TP53INP1: variants seen among roughly 807,000 people sequenced by gnomAD.
The protein encoded by TP53INP1 is tumor protein p53-inducible nuclear protein 1.
TP53INP1 carries 12 observed loss-of-function variants against 21.0 expected under a neutral mutation model. The ratio of observed to expected loss-of-function variants is 0.57; its 90% CI spans 0.37 to 0.93. The LOEUF (loss-of-function observed/expected upper bound fraction) is 0.93. Ranked by LOEUF, TP53INP1 falls within the 40% of genes least tolerant of loss-of-function variation. The pLI, the probability that TP53INP1 is intolerant of heterozygous loss-of-function variation, is 0.01. For synonymous variants in TP53INP1, 91 were observed against 94.8 expected, an observed-to-expected ratio of 0.96 and a Z score of 0.23; for missense variants, 274 against 294.7, an observed-to-expected ratio of 0.93 and a Z score of 0.51.
intron 3 of TP53INP1, among the ~76,000 whole-genome samples, chr8:94,933,193 G>C (rs1820598904): frequency 6.6e-6 from 1 of 152,168 alleles, no homozygotes; most frequent in Non-Finnish European, 1.5e-5. Context: ...TCCAGCCTGG[G>C]CAACAGTGAG....
Position 94,929,873 on chromosome 8 carries a change from A to T in TP53INP1, c.*606T>A, listed in dbSNP as rs1820223160. On this transcript the variant is annotated 3_prime_UTR_variant, in exon 4 of 4. Transcript: ENST00000342697. ...TGCACTCTTCACTAAAGCTTAATGT[A>T]CCTGAATTCCAAATGAACTGTATGA... 1 of 152,708 alleles carries T rather than the reference A, an allele frequency of 6.5e-6. No individual in the cohort carries two copies. Among genetic ancestry groups the T allele is most frequent in the Non-Finnish European group, 1.5e-5 (1 of 68,438 alleles). 9.5% of individuals were successfully genotyped at this position (152,708 alleles called of 1,614,324 possible).
chr8:94,934,092 A>T (rs1300018183), intron 3 of TP53INP1, among the ~76,000 whole-genome samples: 33 of 151,804 alleles, frequency 2.2e-4, no homozygotes, highest in East Asian at 5.8e-4. Flanking sequence ...AAAAAAAAAG[A>T]AGTATATATG....
chr8:94,934,196 G>A (rs1820743598), intron 3 of TP53INP1, among the ~76,000 whole-genome samples: 1 of 150,870 alleles, frequency 6.6e-6, no homozygotes, highest in Non-Finnish European at 1.5e-5. Flanking sequence ...GATGTTAAAA[G>A]TATTCATCTC....
Position 94,939,972 on chromosome 8 carries a change from T to C in TP53INP1, c.361A>G (p.Asn121Asp), listed in dbSNP as rs1435078433. The C allele has an allele frequency of 1.2e-6, 2 of 1,614,118 alleles. No homozygotes were observed. Among genetic ancestry groups the C allele is most frequent in the Non-Finnish European group, 1.7e-6 (2 of 1,180,020 alleles). The change falls in exon 3 of 4, where the codon AAC becomes GAC. Residue 121 changes from asparagine to aspartate, a missense_variant. Coordinates refer to ENST00000342697, the MANE Select transcript of TP53INP1 (RefSeq NM_033285.4). The stretch of plus-strand genomic sequence containing the variant: ...ATGCTGGGATGTTCAATGAGAAGGT[T>C]TTCCATAGGACTTGTTTCCACCTTG... ...TIKVETSPME[N>D]LLIEHPSMSV...
chr8:94,947,024 T>C (rs1413671754), intron 1 of TP53INP1, among the ~76,000 whole-genome samples: 1 of 152,190 alleles, frequency 6.6e-6, no homozygotes, highest in African/African-American at 2.4e-5. Context: ...GCTTATTGTA[T>C]GTAACGGGGC....
intron 3 of TP53INP1, among the ~76,000 whole-genome samples, chr8:94,934,403 TG>T (rs1443227837): frequency 6.6e-6 from 1 of 151,328 alleles, no homozygotes; most frequent in Non-Finnish European, 1.5e-5. Flanking sequence ...TTTTTTTTTT[TG>T]AGACAGAGCC....
chr8:94,940,371 CTTCT>C, intron 2 of TP53INP1, 151 bp from the exon 3 acceptor site: 1 of 895,646 alleles, frequency 1.1e-6, no homozygotes, highest in South Asian at 1.8e-5. Flanking sequence ...GCTCACGTAT[CTTCT>C]TTTATTTAGT....
chr8:94,948,329 T>C (rs1470597835), intron 1 of TP53INP1, among the ~76,000 whole-genome samples: 1 of 152,208 alleles, frequency 6.6e-6, no homozygotes, highest in East Asian at 1.9e-4. Flanking sequence ...GCCTATTTCA[T>C]ATAAGGTTAT....
At chr8:94,938,087 C>T (rs755596805) in intron 3 of TP53INP1, among the ~76,000 whole-genome samples, 35 of 152,166 alleles carry the variant, frequency 2.3e-4, no homozygotes, top group Non-Finnish European at 4.3e-4. Context: ...TTGAAACAGG[C>T]TCAGAGAAAA....
At position 94,930,583 on chromosome 8, in the gene TP53INP1, T is replaced by G; in HGVS notation, c.619A>C (p.Asn207His). 6.2e-7 allele frequency: 1 copy of G among 1,614,254 alleles called. No homozygotes were observed. The highest frequency in any genetic ancestry group is 8.5e-7 in the Non-Finnish European group (1 of 1,180,038). ...GTAAGATTTTGGCGACGAAGGCTAT[T>G]TCTGTTAAGAGGCTGTCTTTCACTG... ...EHSERQPLNR[N>H]SLRRQNLTRD... is the part of the protein sequence containing the mutation. Residue 207 changes from asparagine to histidine, a missense_variant, in exon 4 of 4, where the codon AAT becomes CAT. Transcript: ENST00000342697.
intron 3 of TP53INP1, among the ~76,000 whole-genome samples, chr8:94,933,842 G>GC (rs963875109): frequency 2.0e-5 from 3 of 148,090 alleles, no homozygotes; most frequent in African/African-American, 7.5e-5. Flanking sequence ...TGTGGGGGGG[G>GC]GGGGAGGATC....
At position 94,941,152 on chromosome 8, in the gene TP53INP1, C is replaced by T. The variant is rs148947556; in HGVS notation, c.-150-61G>A. The T allele has an allele frequency of 7.9e-6, 4 of 506,230 alleles. No homozygotes were observed. The South Asian group carries it at 8.5e-5, about 11-fold the overall frequency. 31.4% of individuals were successfully genotyped at this position (506,230 alleles called of 1,614,324 possible). ...CAGCATGCACATATATACATAAGTA[C>T]ATACACATACACACATACCCTTAGA... is the stretch of plus-strand genomic sequence containing the variant. On this transcript the variant is annotated intron_variant, in intron 1 of 3. Transcript: ENST00000342697.
intron 3 of TP53INP1, among the ~76,000 whole-genome samples, chr8:94,935,447 T>C (rs1346657830): frequency 2.0e-5 from 3 of 152,216 alleles, no homozygotes; most frequent in East Asian, 1.9e-4. Context: ...ACAAAGGTCA[T>C]ATGATGTCTG....
Position 94,927,137 on chromosome 8 carries a change from A to G in TP53INP1, c.*3342T>C, listed in dbSNP as rs919927722. On this transcript the variant is annotated 3_prime_UTR_variant, in exon 4 of 4. Transcript: ENST00000342697. Reference sequence around the variant, plus strand: ...TGGAAACTCTTAAAGTTTTCCCACTAATCTATTTAAATGTAAATATCTGTC... The same window carrying G: ...TGGAAACTCTTAAAGTTTTCCCACTGATCTATTTAAATGTAAATATCTGTC... 1 of 152,678 alleles carries G rather than the reference A, an allele frequency of 6.5e-6. No homozygotes were observed. Among genetic ancestry groups the G allele is most frequent in the Non-Finnish European group, 1.5e-5 (1 of 68,048 alleles). 9.5% of individuals were successfully genotyped at this position (152,678 alleles called of 1,614,324 possible). A position where few individuals can be genotyped will look rare whatever the true frequency, so the allele number is the denominator to read the frequency against.
Position 94,929,328 on chromosome 8 carries a change from C to G in TP53INP1, c.*1151G>C, listed in dbSNP as rs1041518061. 6.6e-6 allele frequency: 1 copy of G among 151,804 alleles called. No individual in the cohort carries two copies. Among genetic ancestry groups the G allele is most frequent in the African/African-American group, 2.4e-5 (1 of 41,288 alleles). The allele number at this position is 151,804 out of a possible 1,614,324, so 9.4% of individuals were successfully genotyped here. A position where few individuals can be genotyped will look rare whatever the true frequency, so the allele number is the denominator to read the frequency against. ...TCCCCGTTGGTGGGGGAAACAGAGG[C>G]CAGAGTGGTTAAAGATTTTGCCTGA... On this transcript the variant is annotated 3_prime_UTR_variant, in exon 4 of 4. Coordinates refer to ENST00000342697, the MANE Select transcript of TP53INP1 (RefSeq NM_033285.4).
At chr8:94,935,912 GC>G (rs1820932184) in intron 3 of TP53INP1, among the ~76,000 whole-genome samples, 1 of 152,200 alleles carries the variant, frequency 6.6e-6, no homozygotes, top group Admixed American at 6.5e-5. Context: ...ATGTAAATCT[GC>G]CCTTCATGAC....
chr8:94,933,167 G>A (rs1160031700), intron 3 of TP53INP1, among the ~76,000 whole-genome samples: 1 of 152,208 alleles, frequency 6.6e-6, no homozygotes, highest in Non-Finnish European at 1.5e-5. Flanking sequence ...AGTGAGCCGA[G>A]ATTGCGCCGC....
intron 3 of TP53INP1, among the ~76,000 whole-genome samples, chr8:94,931,839 AT>A (rs1183825253): frequency 1.3e-5 from 2 of 151,974 alleles, no homozygotes; most frequent in African/African-American, 4.8e-5. Flanking sequence ...AGGTGTGGTG[AT>A]GCAAGCCTGT....
chr8:94,931,911 G>T (rs1012625123), intron 3 of TP53INP1, among the ~76,000 whole-genome samples: 6 of 152,172 alleles, frequency 3.9e-5, no homozygotes, highest in African/African-American at 1.2e-4. Flanking sequence ...GGTGGAGGCT[G>T]CTGTGAGCCA....
Sources: allele counts gnomAD v4.1 joint callset (sites outside exome capture counted in the v4.1 genomes callset), GRCh38; gene constraint gnomAD v4.1.1; transcripts MANE v1.5; gene names NCBI Gene and HGNC (gene_info 2026-07-23, HGNC 2026-07-21).